ADAMTSL1: variants seen among roughly 807,000 people sequenced by gnomAD.
ADAMTSL1 encodes the protein ADAMTS-like protein 1.
A neutral mutation model predicts 201.8 loss-of-function variants in ADAMTSL1; 126 were observed. The ratio of observed to expected loss-of-function variants is 0.62; its 90% CI spans 0.54 to 0.72. ADAMTSL1 has a LOEUF of 0.72. ADAMTSL1 is among the 30% of genes least tolerant of loss of function. The pLI, the probability that ADAMTSL1 is intolerant of heterozygous loss-of-function variation, is 0.00. For missense variants in ADAMTSL1, 2,679 were observed against 2,277.8 expected, an observed-to-expected ratio of 1.18 and a Z score of -3.59; for synonymous variants, 1,121 against 903.4, an observed-to-expected ratio of 1.24 and a Z score of -4.32.
chr9:18,118,493 C>G (rs1359974577), intron 1 of ADAMTSL1, among the ~76,000 whole-genome samples: 1 of 152,140 alleles, frequency 6.6e-6, no homozygotes, highest in Non-Finnish European at 1.5e-5. Flanking sequence ...AATGAAAGTG[C>G]CCAGTCATTA....
At chr9:18,132,926 G>A (rs1412789689) in intron 1 of ADAMTSL1, among the ~76,000 whole-genome samples, 1 of 152,108 alleles carries the variant, frequency 6.6e-6, no homozygotes, top group African/African-American at 2.4e-5. Context: ...AAGGATTACG[G>A]AGATAGCGTT....
chr9:17,978,428 G>A (rs186500586), intron 1 of ADAMTSL1, among the ~76,000 whole-genome samples: 81 of 151,618 alleles, frequency 5.3e-4, no homozygotes, highest in African/African-American at 1.7e-3. Context: ...GGTATTATTC[G>A]ATTTCTTTCT....
At chr9:18,575,586 T>A (rs1307375872) in intron 4 of ADAMTSL1, among the ~76,000 whole-genome samples, 2 of 152,176 alleles carry the variant, frequency 1.3e-5, no homozygotes, top group Non-Finnish European at 2.9e-5. Context: ...GAAAAATCTT[T>A]AGGAATAGTA....
intron 1 of ADAMTSL1, among the ~76,000 whole-genome samples, chr9:18,151,863 A>G (rs918993933): frequency 6.6e-6 from 1 of 152,040 alleles, no homozygotes; most frequent in African/African-American, 2.4e-5. Flanking sequence ...TATGACATAA[A>G]TGTCCCATAT....
chr9:18,107,881 T>G (rs1314502652), intron 1 of ADAMTSL1, among the ~76,000 whole-genome samples: 1 of 152,116 alleles, frequency 6.6e-6, no homozygotes, highest in Non-Finnish European at 1.5e-5. Context: ...ACGACCAGCA[T>G]TGTTCTTCAG....
intron 2 of ADAMTSL1, among the ~76,000 whole-genome samples, chr9:18,399,025 A>C (rs1323990893): frequency 6.6e-6 from 1 of 151,768 alleles, no homozygotes; most frequent in African/African-American, 2.4e-5. Flanking sequence ...TTCAACAAAC[A>C]CATACCACAG....
intron 1 of ADAMTSL1, among the ~76,000 whole-genome samples, chr9:18,003,744 C>T (rs1182049830): frequency 6.6e-6 from 1 of 152,004 alleles, no homozygotes; most frequent in South Asian, 2.1e-4. Flanking sequence ...TATTTCAAAC[C>T]AAACTTCTTC....
chr9:18,775,964 C>T (rs111406940), intron 18 of ADAMTSL1, 68 bp downstream of exon 18: 32 of 1,536,084 alleles, frequency 2.1e-5, no homozygotes, highest in Admixed American at 9.9e-5. Flanking sequence ...GCCACCACGC[C>T]GTGGCCTTCC....
chr9:17,976,829 T>C (rs1360206573), intron 1 of ADAMTSL1, among the ~76,000 whole-genome samples: 2 of 151,894 alleles, frequency 1.3e-5, no homozygotes, highest in Non-Finnish European at 2.9e-5. Context: ...TTTTATTTTG[T>C]TTTTCTTGCC....
At chr9:18,876,332 G>A (rs1000281220) in intron 23 of ADAMTSL1, among the ~76,000 whole-genome samples, 16 of 150,954 alleles carry the variant, frequency 1.1e-4, no homozygotes, top group African/African-American at 2.9e-4. Context: ...GTGTGTGTGC[G>A]TGATTGTTTT....
rs116652691 is a variant in ADAMTSL1 at position 18,624,727 on chromosome 9, C to T, written c.601+2358C>T. ...GACCTCTAGGGCCTGAATCACAAAA[C>T]AAAGATGGAGAAGCTCCTAAGGAAG... On this transcript the variant is annotated intron_variant, in intron 5 of 28. Coordinates refer to ENST00000380548, the MANE Select transcript of ADAMTSL1 (RefSeq NM_001040272.6). Among the ~76,000 whole-genome samples, 1,511 of 152,162 alleles carry T rather than the reference C, an allele frequency of 9.9e-3. 27 individuals are homozygous for T. The highest frequency in any genetic ancestry group is 0.035 in the African/African-American group (1,438 of 41,494).
chr9:18,467,424 T>G (rs955879741), intron 2 of ADAMTSL1, among the ~76,000 whole-genome samples: 1 of 152,268 alleles, frequency 6.6e-6, no homozygotes, highest in Non-Finnish European at 1.5e-5. Flanking sequence ...GGTTTAAAAC[T>G]TCTATACAAT....
intron 1 of ADAMTSL1, among the ~76,000 whole-genome samples, chr9:18,146,353 C>T (rs765250576): frequency 5.3e-5 from 8 of 152,068 alleles, no homozygotes; most frequent in Non-Finnish European, 8.8e-5. Context: ...ACCAAAATAT[C>T]CTTCAATAGG....
At chr9:18,718,124 G>T in intron 14 of ADAMTSL1, 3 of 1,121,850 alleles carry the variant, frequency 2.7e-6, no homozygotes, top group South Asian at 2.5e-5. Context: ...CCATTGTCTT[G>T]CTAGATTTTT....
chr9:18,115,707 G>T (rs1825221219), intron 1 of ADAMTSL1, among the ~76,000 whole-genome samples: 1 of 152,070 alleles, frequency 6.6e-6, no homozygotes, highest in Non-Finnish European at 1.5e-5. Flanking sequence ...TGATGATGTG[G>T]CATAGAGAGG....
In ADAMTSL1 at chr9:18,838,894, A is replaced by C. The variant is rs1158631833; in HGVS notation, c.4249+8917A>C. Among the ~76,000 whole-genome samples, 20 of 151,802 alleles carry C rather than the reference A, an allele frequency of 1.3e-4. No homozygotes were observed. In the East Asian group the frequency reaches 3.7e-3, roughly 28 times the overall value. Reference sequence around the variant, plus strand: ...TGTCTCTTTTTTTTAAAAAAAAAAAAAACCTAAAATATGTAATTACATGTG... The same window carrying C: ...TGTCTCTTTTTTTTAAAAAAAAAAACAACCTAAAATATGTAATTACATGTG... On this transcript the variant is annotated intron_variant, in intron 23 of 28. Coordinates refer to ENST00000380548, the MANE Select transcript of ADAMTSL1 (RefSeq NM_001040272.6).
intron 2 of ADAMTSL1, among the ~76,000 whole-genome samples, chr9:18,237,184 C>T (rs1447851047): frequency 6.6e-6 from 1 of 152,196 alleles, no homozygotes; most frequent in Non-Finnish European, 1.5e-5. Context: ...GAAGCTGTGT[C>T]CCACATGGCA....
At chr9:18,663,942 A>T (rs1444777280) in intron 9 of ADAMTSL1, among the ~76,000 whole-genome samples, 12 of 152,126 alleles carry the variant, frequency 7.9e-5, no homozygotes, top group Admixed American at 7.2e-4. Context: ...TGTGCAATTT[A>T]TGCCTTTTCT....
chr9:18,746,559 C>G (rs1051118193), intron 15 of ADAMTSL1, among the ~76,000 whole-genome samples: 57 of 152,116 alleles, frequency 3.7e-4, no homozygotes, highest in African/African-American at 1.4e-3. Context: ...TTTTACATTT[C>G]TGACTAAAGA....
Sources: allele counts gnomAD v4.1 joint callset (sites outside exome capture counted in the v4.1 genomes callset), GRCh38; gene constraint gnomAD v4.1.1; transcripts MANE v1.5; gene names NCBI Gene and HGNC (gene_info 2026-07-23, HGNC 2026-07-21).